Variants in RNMT observed in about 807,000 individuals in gnomAD.
RNMT encodes RNA guanine-7 methyltransferase.
Under a neutral mutation model 56.0 loss-of-function variants are expected in RNMT, and 27 were observed. The observed-to-expected ratio is 0.48, with a 90% CI of 0.36 to 0.67. The LOEUF is 0.67. RNMT is among the 30% of genes least tolerant of loss of function. RNMT has a pLI of 0.00. For missense variants in RNMT, 519 were observed against 552.1 expected (o/e 0.94, Z 0.60); for synonymous variants, 184 against 176.2 (o/e 1.04, Z -0.35).
rs377293361 is a variant in RNMT at position 13,763,208 on chromosome 18, C to T, written c.*3229C>T. On this transcript the variant is annotated 3_prime_UTR_variant, in exon 12 of 12. Coordinates refer to ENST00000383314, the MANE Select transcript of RNMT (RefSeq NM_003799.3). ...ACACTTGACAAGTGTTTTCATTCCC[C>T]GCCCTCTGACAGAACAACATTCCTA... 54 of 449,544 alleles carry T rather than the reference C, an allele frequency of 1.2e-4. No homozygotes were observed. Among genetic ancestry groups the T allele is most frequent in the African/African-American group, 6.2e-4 (31 of 50,064 alleles). 27.8% of individuals were successfully genotyped at this position (449,544 alleles called of 1,614,324 possible).
intron 4 of RNMT, among the ~76,000 whole-genome samples, chr18:13,734,907 A>G (rs541508975): frequency 2.0e-5 from 3 of 152,302 alleles, no homozygotes; most frequent in Admixed American, 6.5e-5. Flanking sequence ...CATTAAGTCA[A>G]GAAATAGGCA....
intron 9 of RNMT, among the ~76,000 whole-genome samples, chr18:13,749,262 C>T (rs1005753131): frequency 6.6e-6 from 1 of 152,034 alleles, no homozygotes; most frequent in Non-Finnish European, 1.5e-5. Context: ...CATTCAAAAA[C>T]GAAGTTCTGA....
intron 5 of RNMT, among the ~76,000 whole-genome samples, chr18:13,739,570 G>A (rs1193176097): frequency 6.6e-6 from 1 of 152,128 alleles, no homozygotes; most frequent in Non-Finnish European, 1.5e-5. Flanking sequence ...ATCACTTGAG[G>A]CCAGAAGTTA....
At chr18:13,742,678 C>T (rs1316227415) in intron 8 of RNMT, 26 bp downstream of exon 8, 1 of 1,550,778 alleles carries the variant, frequency 6.4e-7, no homozygotes, top group Non-Finnish European at 8.7e-7. Flanking sequence ...TCTGTTCACT[C>T]TTTTCTTTTT....
At position 13,759,856 on chromosome 18, in the gene RNMT, A is replaced by T. The variant is rs2044598134; in HGVS notation, c.1394-86A>T. 6 of 1,226,122 alleles carry T rather than the reference A, an allele frequency of 4.9e-6. No homozygotes were observed. The Middle Eastern group carries it at 8.3e-4, about 170-fold the overall frequency. The allele number at this position is 1,226,122 out of a possible 1,614,324, so 76.0% of individuals were successfully genotyped here. A position where few individuals can be genotyped will look rare whatever the true frequency, so the allele number is the denominator to read the frequency against. On this transcript the variant is annotated intron_variant, in intron 11 of 11. Coordinates refer to ENST00000383314, the MANE Select transcript of RNMT (RefSeq NM_003799.3). ...TTCAGAAGCTGCTTGAGAGCCTAAG[A>T]ATTTTCACCAAATTATGAACAAGAC...
intron 3 of RNMT, among the ~76,000 whole-genome samples, chr18:13,733,149 C>T (rs1601997988): frequency 6.6e-6 from 1 of 152,006 alleles, no homozygotes; most frequent in Admixed American, 6.5e-5. Flanking sequence ...AAACCTGTTA[C>T]GTAAAATAGG....
intron 9 of RNMT, among the ~76,000 whole-genome samples, chr18:13,750,673 G>A (rs971900555): frequency 1.2e-4 from 18 of 151,654 alleles, no homozygotes; most frequent in Non-Finnish European, 2.4e-4. Flanking sequence ...ATAGTGGCTT[G>A]TGCGTGTAGT....
chr18:13,738,279 A>AT (rs2044197872), intron 5 of RNMT, among the ~76,000 whole-genome samples: 1 of 152,126 alleles, frequency 6.6e-6, no homozygotes, highest in Non-Finnish European at 1.5e-5. Context: ...TTTTGAAAAT[A>AT]TTTTTTAGTT....
At chr18:13,744,633 C>T (rs546811832) in intron 8 of RNMT, among the ~76,000 whole-genome samples, 2 of 152,158 alleles carry the variant, frequency 1.3e-5, no homozygotes, top group South Asian at 4.1e-4. Context: ...CTTAATTTTG[C>T]TCATGTTGCC....
chr18:13,759,875 A>G (rs2044598282), intron 11 of RNMT, 67 bp from the exon 12 acceptor site: 2 of 1,411,380 alleles, frequency 1.4e-6, no homozygotes, highest in Non-Finnish European at 2.0e-6. Flanking sequence ...CAAATTATGA[A>G]CAAGACAGAT....
chr18:13,755,289 AAACT>A (rs1256293194), intron 11 of RNMT, among the ~76,000 whole-genome samples: 1 of 152,238 alleles, frequency 6.6e-6, no homozygotes, highest in East Asian at 1.9e-4. Flanking sequence ...AATGAAAACT[AAACT>A]AATGACATCT....
chr18:13,761,762 C>T lies in RNMT; in HGVS notation c.*1783C>T. 1 of 1,199,450 alleles carries T rather than the reference C, an allele frequency of 8.3e-7. No individual in the cohort carries two copies. Among genetic ancestry groups the T allele is most frequent in the Non-Finnish European group, 1.0e-6 (1 of 960,138 alleles). The allele number at this position is 1,199,450 out of a possible 1,614,324, so 74.3% of individuals were successfully genotyped here. ...GGGAGGCTTACTGGAGCCACACCTG[C>T]AGGCGCTGTGTTCAGGCACCACCTT... is the stretch of plus-strand genomic sequence containing the variant. On this transcript the variant is annotated 3_prime_UTR_variant, in exon 12 of 12. Coordinates refer to ENST00000383314, the MANE Select transcript of RNMT (RefSeq NM_003799.3).
chr18:13,748,908 C>T (rs1568510081), intron 9 of RNMT, among the ~76,000 whole-genome samples: 2 of 151,986 alleles, frequency 1.3e-5, no homozygotes, highest in Admixed American at 6.6e-5. Flanking sequence ...GGTAAAACCC[C>T]GTCTCTACTA....
In RNMT at chr18:13,761,952, A is replaced by G. The variant is rs745487391; in HGVS notation, c.*1973A>G. 1.8e-5 allele frequency: 27 copies of G among 1,516,948 alleles called. No individual in the cohort carries two copies. In the South Asian group the frequency reaches 2.2e-4, roughly 12 times the overall value. The allele number at this position is 1,516,948 out of a possible 1,614,324, so 94.0% of individuals were successfully genotyped here. On this transcript the variant is annotated 3_prime_UTR_variant, in exon 12 of 12. Coordinates refer to ENST00000383314, the MANE Select transcript of RNMT (RefSeq NM_003799.3). ...GGACTAGAAAAGGCTTCCCCTGCCT[A>G]TCCTCTCCGATCACCAAGGTGGAAG...
chr18:13,730,249 G>A (rs939210847), intron 1 of RNMT, among the ~76,000 whole-genome samples: 4 of 152,088 alleles, frequency 2.6e-5, no homozygotes, highest in Non-Finnish European at 5.9e-5. Context: ...TATTTCTCTC[G>A]CTTTCCCATC....
At position 13,761,498 on chromosome 18, in the gene RNMT, A is replaced by G. The variant is rs889998297; in HGVS notation, c.*1519A>G. 3.2e-5 allele frequency: 32 copies of G among 987,288 alleles called. No individual in the cohort carries two copies. The African/African-American group carries it at 4.9e-4, about 15-fold the overall frequency. The allele number at this position is 987,288 out of a possible 1,614,324, so 61.2% of individuals were successfully genotyped here. A position where few individuals can be genotyped will look rare whatever the true frequency, so the allele number is the denominator to read the frequency against. On this transcript the variant is annotated 3_prime_UTR_variant, in exon 12 of 12. Coordinates refer to ENST00000383314, the MANE Select transcript of RNMT (RefSeq NM_003799.3). ...ATCATTATTTCCTCTGTTCACATTT[A>G]CTGGTCTTAATTAACAGGTAATAAT...
chr18:13,760,423 T>C lies in RNMT; in HGVS notation c.*444T>C. ...TTATATAGCATTTTTCAACATTTAA[T>C]GGTCTGTACAGTTGAATGTAAGTGT... On this transcript the variant is annotated 3_prime_UTR_variant, in exon 12 of 12. Coordinates refer to ENST00000383314, the MANE Select transcript of RNMT (RefSeq NM_003799.3). 2.0e-6 allele frequency: 2 copies of C among 987,608 alleles called. No homozygotes were observed. The highest frequency in any genetic ancestry group is 2.4e-6 in the Non-Finnish European group (2 of 830,848). 61.2% of individuals were successfully genotyped at this position (987,608 alleles called of 1,614,324 possible).
chr18:13,759,842 C>CT (rs2044597928), intron 11 of RNMT, 100 bp from the exon 12 acceptor site: 2 of 1,000,080 alleles, frequency 2.0e-6, no homozygotes, highest in African/African-American at 1.6e-5. Context: ...TCAGAAGCTG[C>CT]TTGAGAGCCT....
At position 13,762,005 on chromosome 18, in the gene RNMT, A is replaced by G. The variant is rs1378393320; in HGVS notation, c.*2026A>G. ...AGCTAGTAGGACTCTTCCTTGACAC[A>G]CCTTGTCGTCTAAATGTTCGGTATT... On this transcript the variant is annotated 3_prime_UTR_variant, in exon 12 of 12. Transcript: ENST00000383314. The G allele has an allele frequency of 3.9e-5, 60 of 1,535,778 alleles. No individual in the cohort carries two copies. Among genetic ancestry groups the G allele is most frequent in the Non-Finnish European group, 5.1e-5 (58 of 1,146,758 alleles).
Sources: allele counts gnomAD v4.1 joint callset (sites outside exome capture counted in the v4.1 genomes callset), GRCh38; gene constraint gnomAD v4.1.1; transcripts MANE v1.5; gene names NCBI Gene and HGNC (gene_info 2026-07-23, HGNC 2026-07-21).